The following HSPA12A variants were observed in gnomAD, a reference collection of about 807,000 sequenced individuals.
HSPA12A encodes the protein heat shock protein family A (Hsp70) member 12A, also known as heat shock 70 kDa protein 12A.
Under a neutral mutation model 69.2 loss-of-function variants are expected in HSPA12A, and 28 were observed. That is an observed-to-expected ratio of 0.40 (90% CI 0.30 to 0.55). The LOEUF (loss-of-function observed/expected upper bound fraction) is 0.55. HSPA12A is among the 20% of genes least tolerant of loss of function. HSPA12A has a pLI of 0.38. For missense variants in HSPA12A, 686 were observed against 900.7 expected, an observed-to-expected ratio of 0.76 and a Z score of 3.05; for synonymous variants, 345 against 370.5, an observed-to-expected ratio of 0.93 and a Z score of 0.79.
At chr10:116,778,463 C>A (rs1160707659) in intron 2 of HSPA12A, among the ~76,000 whole-genome samples, 1 of 152,178 alleles carries the variant, frequency 6.6e-6, no homozygotes, top group Non-Finnish European at 1.5e-5. Context: ...CACCTCAGGG[C>A]TGTGGTCCCT....
chr10:116,794,841 T>A (rs1242762359), intron 2 of HSPA12A, among the ~76,000 whole-genome samples: 1 of 152,170 alleles, frequency 6.6e-6, no homozygotes, highest in Non-Finnish European at 1.5e-5. Flanking sequence ...ATAATAGTTT[T>A]TTTAAGTTCA....
At chr10:116,689,211 C>T (rs782535594) in intron 6 of HSPA12A, among the ~76,000 whole-genome samples, 1 of 138,174 alleles carries the variant, frequency 7.2e-6, no homozygotes, top group African/African-American at 2.8e-5. Flanking sequence ...CTCCACCTGG[C>T]AGGTGGGAGG....
intron 2 of HSPA12A, among the ~76,000 whole-genome samples, chr10:116,805,625 T>A (rs80114716): frequency 1.9e-3 from 293 of 152,202 alleles, no homozygotes; most frequent in African/African-American, 6.9e-3. Flanking sequence ...AAAAAACAAA[T>A]TCACCTGTCA....
chr10:116,703,615 TGAA>T (rs1554881881), intron 3 of HSPA12A, among the ~76,000 whole-genome samples: 1 of 152,238 alleles, frequency 6.6e-6, no homozygotes, highest in Non-Finnish European at 1.5e-5. Flanking sequence ...ATTACTCAGT[TGAA>T]GAAACTGCAA....
chr10:116,749,247 G>T (rs1025159978), intron 2 of HSPA12A, among the ~76,000 whole-genome samples: 1 of 152,170 alleles, frequency 6.6e-6, no homozygotes, highest in African/African-American at 2.4e-5. Context: ...ATCTGTTTAT[G>T]GTGAGCCTTC....
intron 2 of HSPA12A, among the ~76,000 whole-genome samples, chr10:116,785,874 T>A (rs964728177): frequency 2.7e-5 from 4 of 150,698 alleles, no homozygotes; most frequent in African/African-American, 5.0e-5. Flanking sequence ...TTCCTCCTAT[T>A]TCCCCCCCTC....
chr10:116,798,974 T>C (rs1409449722), intron 2 of HSPA12A, among the ~76,000 whole-genome samples: 3 of 152,170 alleles, frequency 2.0e-5, no homozygotes, highest in Admixed American at 1.3e-4. Flanking sequence ...GCCTGGGCCA[T>C]GGTCAGGGAG....
At chr10:116,835,029 G>A in intron 1 of HSPA12A, 2 of 1,229,614 alleles carry the variant, frequency 1.6e-6, no homozygotes, top group Non-Finnish European at 2.0e-6. Flanking sequence ...CCATCTGTAG[G>A]AGGGGGGAAA....
At chr10:116,781,118 C>A (rs1844453174) in intron 2 of HSPA12A, among the ~76,000 whole-genome samples, 1 of 152,046 alleles carries the variant, frequency 6.6e-6, no homozygotes, top group Admixed American at 6.6e-5. Context: ...CCTAGTGAGA[C>A]CCCTGTCTCT....
At chr10:116,682,463 G>GC (rs1849439321) in intron 7 of HSPA12A, among the ~76,000 whole-genome samples, 1 of 151,480 alleles carries the variant, frequency 6.6e-6, no homozygotes, top group South Asian at 2.1e-4. Flanking sequence ...ACTGGGGGGG[G>GC]GGGCCATTTC....
At chr10:116,734,867 G>C (rs1337776332) in intron 1 of HSPA12A, among the ~76,000 whole-genome samples, 1 of 151,632 alleles carries the variant, frequency 6.6e-6, no homozygotes, top group Non-Finnish European at 1.5e-5. Flanking sequence ...TGGTGGGCGA[G>C]TGTAGTCCCA....
At chr10:116,850,489 C>T (rs182673276), upstream of HSPA12A, among the ~76,000 whole-genome samples, 32 of 152,174 alleles carry the variant, frequency 2.1e-4, no homozygotes, top group Middle Eastern at 6.8e-3. Flanking sequence ...AAGACGTTTT[C>T]TCCCTTCCAG....
intron 8 of HSPA12A, 39 bp downstream of exon 8, chr10:116,681,752 G>C (rs1554878637): frequency 6.4e-7 from 1 of 1,574,746 alleles, no homozygotes; most frequent in East Asian, 2.2e-5. Context: ...AGCAGCACAG[G>C]AAAATCCAGC....
intron 9 of HSPA12A, 64 bp downstream of exon 9, chr10:116,681,088 A>G (rs1849387358): frequency 3.7e-6 from 4 of 1,084,554 alleles, no homozygotes; most frequent in Non-Finnish European, 5.7e-6. Context: ...TATCTGAAAC[A>G]AGTGAAAACA....
At chr10:116,676,151 G>A (rs1424501927) in intron 11 of HSPA12A, among the ~76,000 whole-genome samples, 1 of 152,128 alleles carries the variant, frequency 6.6e-6, no homozygotes, top group African/African-American at 2.4e-5. Flanking sequence ...TGACTTTTGA[G>A]GCCAAACGGA....
At chr10:116,740,596 G>A (rs1554886934) in intron 1 of HSPA12A, among the ~76,000 whole-genome samples, 1 of 151,788 alleles carries the variant, frequency 6.6e-6, no homozygotes, top group East Asian at 1.9e-4. Context: ...CGGCACACCA[G>A]GTATGGGTGT....
chr10:116,710,343 C>T lies in HSPA12A; in HGVS notation c.41-3058G>A, dbSNP rs1456417875. ...TGGCAATTAGCAAACAAGCTATTATCTGCAGACAAACTATCCACCCCGCTG... is the reference window on the plus strand; with the variant it reads ...TGGCAATTAGCAAACAAGCTATTATTTGCAGACAAACTATCCACCCCGCTG... On this transcript the variant is annotated intron_variant, in intron 1 of 11. Coordinates refer to ENST00000369209, the MANE Select transcript of HSPA12A (RefSeq NM_025015.3). This position sits in a 1 kb window ranked among gnomAD's most constrained non-coding sequence, Gnocchi z 4.1. 6.6e-6 allele frequency among the ~76,000 whole-genome samples: 1 copy of T among 152,242 alleles called. No homozygotes were observed. The highest frequency in any genetic ancestry group is 1.5e-5 in the Non-Finnish European group (1 of 68,036).
chr10:116,792,772 C>A (rs928237736), intron 2 of HSPA12A, among the ~76,000 whole-genome samples: 1 of 150,466 alleles, frequency 6.6e-6, no homozygotes, highest in African/African-American at 2.5e-5. Context: ...GCCTGGGTGA[C>A]AGAGTAAGAC....
rs551867990 is a variant in HSPA12A, at chr10:116,734,758, C to T, written c.40+7672G>A. On this transcript the variant is annotated intron_variant, in intron 1 of 11. Transcript: ENST00000369209. ...CCTGTAATCCCAGCACTTTGGGAGG[C>T]CGAGGAGGGCAGATCACAAGGTCAG... 5.3e-4 allele frequency among the ~76,000 whole-genome samples: 80 copies of T among 150,412 alleles called. 1 individual carries two copies. The highest frequency in any genetic ancestry group is 1.9e-3 in the African/African-American group (78 of 40,946).
Sources: allele counts gnomAD v4.1 joint callset (sites outside exome capture counted in the v4.1 genomes callset), GRCh38; gene constraint gnomAD v4.1.1; non-coding constraint Gnocchi (gnomAD v3.1); transcripts MANE v1.5; gene names NCBI Gene and HGNC (gene_info 2026-07-23, HGNC 2026-07-21).